SLC38A12: variants seen among roughly 807,000 people sequenced by gnomAD.
SLC38A12 encodes putative sodium-coupled neutral amino acid transporter 12.
the SLC38A12 span, among the ~76,000 whole-genome samples, chr17:74,810,865 G>C: frequency 6.6e-6 from 1 of 152,348 alleles, no homozygotes; most frequent in South Asian, 2.1e-4. Context: ...ATGGGATTTG[G>C]TGCACACAGG....
At chr17:74,827,017 T>G in the SLC38A12 span, among the ~76,000 whole-genome samples, 4 of 152,092 alleles carry the variant, frequency 2.6e-5, no homozygotes, top group Admixed American at 6.5e-5. The surrounding 1 kb of genome is among the most constrained non-coding windows in gnomAD (Gnocchi z 4.7). Flanking sequence ...TGATAAGGTG[T>G]TCCTGGGAAC....
chr17:74,827,811 T>A, the SLC38A12 span, among the ~76,000 whole-genome samples: 1 of 152,118 alleles, frequency 6.6e-6, no homozygotes, highest in Non-Finnish European at 1.5e-5. The surrounding 1 kb of genome is among the most constrained non-coding windows in gnomAD (Gnocchi z 4.7). Context: ...TCCCATTATT[T>A]AAGGAACAAA....
At chr17:74,783,721 C>CTTTTTTTTT in the SLC38A12 span, among the ~76,000 whole-genome samples, 2 of 104,010 alleles carry the variant, frequency 1.9e-5, no homozygotes, top group East Asian at 2.6e-4. Flanking sequence ...CATGCTTTTT[C>CTTTTTTTTT]TTTTTTTTTT....
the SLC38A12 span, among the ~76,000 whole-genome samples, chr17:74,802,561 G>A: frequency 6.6e-6 from 1 of 152,338 alleles, no homozygotes; most frequent in Middle Eastern, 3.4e-3. Context: ...CTGGTAGAAT[G>A]TGCAGGTTGG....
chr17:74,826,368 C>A, the SLC38A12 span, among the ~76,000 whole-genome samples: 2 of 152,196 alleles, frequency 1.3e-5, no homozygotes, highest in Non-Finnish European at 2.9e-5. Flanking sequence ...AATAATTTAG[C>A]CACAGGATAG....
At chr17:74,784,002 C>G in the SLC38A12 span, among the ~76,000 whole-genome samples, 1 of 150,234 alleles carries the variant, frequency 6.7e-6, no homozygotes, top group Non-Finnish European at 1.5e-5. Flanking sequence ...GCCAGGATTA[C>G]AGGCATGAGC....
the SLC38A12 span, among the ~76,000 whole-genome samples, chr17:74,789,917 C>CTT: frequency 1.4e-4 from 19 of 140,506 alleles, no homozygotes; most frequent in African/African-American, 5.0e-4. Flanking sequence ...GTTCCATGCT[C>CTT]TTTTTTTTTC....
At chr17:74,806,888 G>A in the SLC38A12 span, among the ~76,000 whole-genome samples, 80 of 152,280 alleles carry the variant, frequency 5.3e-4, no homozygotes, top group East Asian at 3.9e-3. Flanking sequence ...GGGACAGCCT[G>A]TCACAGCCCC....
the SLC38A12 span, among the ~76,000 whole-genome samples, chr17:74,788,540 T>C: frequency 2.6e-5 from 4 of 152,178 alleles, no homozygotes; most frequent in Non-Finnish European, 4.4e-5. Flanking sequence ...TCTCCTTTGG[T>C]TATTTTCCCT....
the SLC38A12 span, among the ~76,000 whole-genome samples, chr17:74,800,456 G>T: frequency 2.6e-5 from 4 of 152,252 alleles, no homozygotes; most frequent in African/African-American, 9.6e-5. Context: ...CCCCTGCCAT[G>T]GTCTCTGTTC....
chr17:74,833,989 C>A, the SLC38A12 span, among the ~76,000 whole-genome samples: 68 of 152,276 alleles, frequency 4.5e-4, no homozygotes, highest in South Asian at 4.1e-3. Context: ...TGCTCTGTAG[C>A]CCTTTCTGGC....
chr17:74,824,123 G>C, the SLC38A12 span, among the ~76,000 whole-genome samples: 20 of 152,210 alleles, frequency 1.3e-4, no homozygotes, highest in Admixed American at 1.3e-4. Context: ...TGTCCACACT[G>C]GTGTCACGGT....
chr17:74,818,193 G>A, the SLC38A12 span, among the ~76,000 whole-genome samples: 9 of 152,306 alleles, frequency 5.9e-5, 1 homozygote, highest in South Asian at 8.3e-4. Flanking sequence ...AGGGGACGGC[G>A]GAGGCTGTCC....
the SLC38A12 span, chr17:74,777,416 C>T: frequency 3.7e-6 from 6 of 1,613,254 alleles, no homozygotes; most frequent in East Asian, 2.2e-5. Flanking sequence ...CTTAAGTGTT[C>T]CTGGCTTCTA....
chr17:74,787,580 C>T, the SLC38A12 span, among the ~76,000 whole-genome samples: 1 of 150,634 alleles, frequency 6.6e-6, no homozygotes, highest in African/African-American at 2.4e-5. Context: ...CGAGATTGCG[C>T]CACTGCAGTC....
the SLC38A12 span, among the ~76,000 whole-genome samples, chr17:74,789,543 CA>C: frequency 0.59 from 64,716 of 110,608 alleles, 16,510 homozygotes; most frequent in Non-Finnish European, 0.63. Flanking sequence ...GCAAGCATTT[CA>C]AAAAAAAAAA....
At chr17:74,828,198 C>T in the SLC38A12 span, among the ~76,000 whole-genome samples, 2 of 152,184 alleles carry the variant, frequency 1.3e-5, no homozygotes, top group African/African-American at 2.4e-5. Context: ...GGGAATGGCA[C>T]GGGGCTTGGG....
At chr17:74,835,617 C>T in the SLC38A12 span, among the ~76,000 whole-genome samples, 1 of 152,192 alleles carries the variant, frequency 6.6e-6, no homozygotes, top group African/African-American at 2.4e-5. Flanking sequence ...ACTGGCCCTC[C>T]TCTAAGAAGA....
At chr17:74,838,747 T>A in the SLC38A12 span, 1 of 1,459,066 alleles carries the variant, frequency 6.9e-7, no homozygotes, top group Non-Finnish European at 9.0e-7. Flanking sequence ...CCAATGGGGC[T>A]TGGGGCCAGG....
Sources: allele counts gnomAD v4.1 joint callset (sites outside exome capture counted in the v4.1 genomes callset), GRCh38; gene constraint gnomAD v4.1.1; non-coding constraint Gnocchi (gnomAD v3.1); transcripts MANE v1.5; gene names NCBI Gene and HGNC (gene_info 2026-07-23, HGNC 2026-07-21).